The following DAB1 variants were observed in gnomAD, a reference collection of about 807,000 sequenced individuals.
DAB1 encodes the protein DAB adaptor protein 1, also known as disabled homolog 1.
A neutral mutation model predicts 64.6 loss-of-function variants in DAB1; 15 were observed. The observed-to-expected ratio is 0.23, with a 90% CI of 0.16 to 0.36. The LOEUF (loss-of-function observed/expected upper bound fraction) is 0.36. Among genes scored for constraint, DAB1 ranks in the 10% least tolerant of loss-of-function variants. DAB1 has a pLI of 1.00. For synonymous variants in DAB1, 235 were observed against 251.9 expected (o/e 0.93, Z 0.64); for missense variants, 596 against 706.7 (o/e 0.84, Z 1.78).
intron 4 of DAB1, among the ~76,000 whole-genome samples, chr1:58,232,038 A>G (rs1212458881): frequency 1.3e-5 from 2 of 152,092 alleles, no homozygotes; most frequent in Admixed American, 1.3e-4. Flanking sequence ...ATTTTGTGCT[A>G]TTTTGTTTTT....
At chr1:57,320,322 TC>T (rs1225988739) in intron 1 of DAB1, among the ~76,000 whole-genome samples, 3 of 152,202 alleles carry the variant, frequency 2.0e-5, no homozygotes, top group African/African-American at 7.2e-5. Flanking sequence ...TTGCAGGTAT[TC>T]TTTACAGCAG....
At chr1:58,522,397 T>G (rs1275693806) in intron 2 of DAB1, among the ~76,000 whole-genome samples, 1 of 152,146 alleles carries the variant, frequency 6.6e-6, no homozygotes, top group African/African-American at 2.4e-5. Context: ...CTTAGGATAT[T>G]AGAAATGGAA....
chr1:57,010,859 A>T, intron 13 of DAB1, 69 bp from the exon 14 acceptor site: 1 of 1,162,054 alleles, frequency 8.6e-7, no homozygotes, highest in Non-Finnish European at 1.2e-6. Context: ...AGACACCTGG[A>T]TATACTTTCA....
intron 3 of DAB1, chr1:58,506,057 C>T (rs949926692): frequency 1.2e-6 from 1 of 864,530 alleles, no homozygotes; most frequent in Non-Finnish European, 2.0e-6. Context: ...GGTGTCAGCT[C>T]ACCTGAGGTA....
chr1:57,171,076 A>G (rs1661707990), intron 2 of DAB1, among the ~76,000 whole-genome samples: 1 of 152,166 alleles, frequency 6.6e-6, no homozygotes, highest in African/African-American at 2.4e-5. Flanking sequence ...CCCCAGAGTC[A>G]ATGGATGCAG....
chr1:58,346,466 C>A (rs371463940), intron 3 of DAB1, among the ~76,000 whole-genome samples: 2 of 152,180 alleles, frequency 1.3e-5, no homozygotes, highest in African/African-American at 4.8e-5. Context: ...AGCAGCAGAA[C>A]CATTTTTTGC....
At chr1:58,382,853 ACC>A (rs1295393236) in intron 3 of DAB1, among the ~76,000 whole-genome samples, 1 of 152,126 alleles carries the variant, frequency 6.6e-6, no homozygotes, top group Admixed American at 6.5e-5. Context: ...AGAGATGAGA[ACC>A]ACACAGACCT....
At chr1:58,070,489 G>A (rs566226217) in intron 5 of DAB1, among the ~76,000 whole-genome samples, 81 of 152,306 alleles carry the variant, frequency 5.3e-4, no homozygotes, top group Non-Finnish European at 1.6e-4. Flanking sequence ...CAGGAGCGGG[G>A]CAAGAATCTC....
intron 4 of DAB1, among the ~76,000 whole-genome samples, chr1:58,242,505 T>A (rs1660343918): frequency 6.6e-6 from 1 of 152,132 alleles, no homozygotes; most frequent in Admixed American, 6.5e-5. Flanking sequence ...ATGCTAGTAG[T>A]TATACATCTA....
At chr1:57,925,730 C>A (rs1282357539) in intron 5 of DAB1, among the ~76,000 whole-genome samples, 1 of 152,184 alleles carries the variant, frequency 6.6e-6, no homozygotes, top group East Asian at 1.9e-4. Flanking sequence ...AAGTTAATGG[C>A]AGGCTAGACT....
At chr1:57,815,259 A>T (rs1651802473) in intron 6 of DAB1, among the ~76,000 whole-genome samples, 1 of 151,860 alleles carries the variant, frequency 6.6e-6, no homozygotes, top group Non-Finnish European at 1.5e-5. Context: ...TAGTAGAGAT[A>T]GCGTTTCACT....
intron 7 of DAB1, among the ~76,000 whole-genome samples, chr1:57,559,700 C>A (rs1645029677): frequency 1.3e-5 from 2 of 152,132 alleles, no homozygotes; most frequent in African/African-American, 4.8e-5. Flanking sequence ...GGCCAGAATG[C>A]GTAATTGGCA....
At chr1:57,518,861 A>G (rs1196122816) in intron 7 of DAB1, among the ~76,000 whole-genome samples, 5 of 152,148 alleles carry the variant, frequency 3.3e-5, no homozygotes, top group African/African-American at 1.2e-4. Context: ...CAAACCTTTT[A>G]TATCCTGTTG....
chr1:58,536,874 T>C (rs1378277199), intron 1 of DAB1: 1 of 580,290 alleles, frequency 1.7e-6, no homozygotes, highest in Non-Finnish European at 3.1e-6. Context: ...AATACATCGC[T>C]TTTCCAATTA....
chr1:57,454,819 A>C (rs1195851457), intron 7 of DAB1, among the ~76,000 whole-genome samples: 2 of 152,164 alleles, frequency 1.3e-5, no homozygotes, highest in African/African-American at 4.8e-5. Context: ...CTATATGCCT[A>C]CAGTAATTAA....
At chr1:58,295,664 T>C (rs1661952693) in intron 4 of DAB1, among the ~76,000 whole-genome samples, 1 of 152,164 alleles carries the variant, frequency 6.6e-6, no homozygotes, top group Non-Finnish European at 1.5e-5. Flanking sequence ...GTTTTATTTA[T>C]TGTTTTATGC....
intron 1 of DAB1, among the ~76,000 whole-genome samples, chr1:57,301,874 C>A (rs566048239): frequency 1.1e-3 from 166 of 152,258 alleles, no homozygotes; most frequent in African/African-American, 3.8e-3. Context: ...AAGAGCCTTG[C>A]CCGCTGGACC....
intron 1 of DAB1, among the ~76,000 whole-genome samples, chr1:57,320,307 C>G (rs898000256): frequency 2.0e-5 from 3 of 152,162 alleles, no homozygotes; most frequent in African/African-American, 7.2e-5. Flanking sequence ...TCATAAATTA[C>G]CCAGTTGCAG....
intron 7 of DAB1, among the ~76,000 whole-genome samples, chr1:57,508,913 T>C (rs1644377302): frequency 6.6e-6 from 1 of 151,802 alleles, no homozygotes; most frequent in South Asian, 2.1e-4. Context: ...AAAACATTTA[T>C]ATATGCACAT....
Sources: allele counts gnomAD v4.1 joint callset (sites outside exome capture counted in the v4.1 genomes callset), GRCh38; gene constraint gnomAD v4.1.1; transcripts MANE v1.5; gene names NCBI Gene and HGNC (gene_info 2026-07-23, HGNC 2026-07-21).